The following CDH4 variants were observed in gnomAD, a reference collection of about 807,000 sequenced individuals.
CDH4 encodes the protein cadherin-4.
In CDH4, 33 loss-of-function variants were observed where a neutral mutation model predicts 86.0. That is an observed-to-expected ratio of 0.38 (90% CI 0.29 to 0.51). CDH4 has a LOEUF of 0.51. Ranked by LOEUF, CDH4 falls within the 20% of genes least tolerant of loss-of-function variation. The pLI is 0.86. For missense variants in CDH4, 1,114 were observed against 1,307.4 expected (o/e 0.85, Z 2.28); for synonymous variants, 555 against 549.4 (o/e 1.01, Z -0.14).
chr20:61,936,940 T>G lies in CDH4; in HGVS notation c.2748T>G (p.Asp916Glu). 6.4e-7 allele frequency: 1 copy of G among 1,565,468 alleles called. No homozygotes were observed. The highest frequency in any genetic ancestry group is 8.7e-7 in the Non-Finnish European group (1 of 1,153,830). The change falls in exon 16 of 16, where the codon GAT becomes GAG. Residue 916 changes from aspartate to glutamate, a missense_variant. By Grantham distance (45) the Asp-to-Glu change is conservative. This residue lies in a region of CDH4 where 188 missense variants were observed against 183.8 expected (regional missense o/e 1.02). Coordinates refer to ENST00000614565, the MANE Select transcript of CDH4 (RefSeq NM_001794.5). The part of the protein sequence containing the change: ...LADMYGGGEE[D>E] ...ACATGTATGGAGGTGGTGAAGAGGA[T>G]TGACTGACCTCGCATCTTCGGACCG...
At chr20:61,452,189 C>T (rs1040957776) in intron 2 of CDH4, among the ~76,000 whole-genome samples, 1 of 152,170 alleles carries the variant, frequency 6.6e-6, no homozygotes, top group African/African-American at 2.4e-5. Context: ...CCTTCCCAGG[C>T]CGGGCCCACA....
chr20:61,502,515 A>G (rs1434781206), intron 2 of CDH4, among the ~76,000 whole-genome samples: 1 of 152,198 alleles, frequency 6.6e-6, no homozygotes, highest in South Asian at 2.1e-4. Context: ...CAGCTCATTG[A>G]AAGAGGAGTT....
chr20:61,880,278 G>A (rs1178067434), intron 7 of CDH4, among the ~76,000 whole-genome samples: 1 of 152,226 alleles, frequency 6.6e-6, no homozygotes, highest in Non-Finnish European at 1.5e-5. Flanking sequence ...GGGGAGGGCA[G>A]TAGCCTGGGG....
chr20:61,701,548 C>T (rs1181056279), intron 2 of CDH4, among the ~76,000 whole-genome samples: 1 of 152,218 alleles, frequency 6.6e-6, no homozygotes, highest in African/African-American at 2.4e-5. Flanking sequence ...TGGGGACCAG[C>T]CCTGTGGGCT....
chr20:61,790,746 A>T (rs1213238550), intron 4 of CDH4, among the ~76,000 whole-genome samples: 1 of 140,646 alleles, frequency 7.1e-6, no homozygotes, highest in Non-Finnish European at 1.5e-5. Flanking sequence ...TCATCTCTCC[A>T]TCCATTTATC....
intron 1 of CDH4, among the ~76,000 whole-genome samples, chr20:61,254,048 C>T (rs1372790875): frequency 1.3e-5 from 2 of 152,232 alleles, no homozygotes; most frequent in East Asian, 1.9e-4. Flanking sequence ...TCGTCCACCC[C>T]ATCCTTCCCT....
rs1055147517 is a variant in CDH4, at chr20:61,754,294, A to AC, written c.396+10509dup. ...GACTCAGATGGCAGAGTGCAGACAGACCCCAAGGCATCCCCGAAGGCAGGG... is the reference window on the plus strand; with the variant it reads ...GACTCAGATGGCAGAGTGCAGACAGACCCCCAAGGCATCCCCGAAGGCAGGG... On this transcript the variant is annotated intron_variant, in intron 3 of 15. Coordinates refer to ENST00000614565, the MANE Select transcript of CDH4 (RefSeq NM_001794.5). The surrounding 1 kb of genome is among the most constrained non-coding windows in gnomAD (Gnocchi z 4.7). Among the ~76,000 whole-genome samples the AC allele has an allele frequency of 2.6e-5, 4 of 152,008 alleles. No individual in the cohort carries two copies. The highest frequency in any genetic ancestry group is 4.1e-4 in the South Asian group (2 of 4,822).
intron 2 of CDH4, among the ~76,000 whole-genome samples, chr20:61,287,275 T>C (rs1435743628): frequency 1.3e-5 from 2 of 152,160 alleles, no homozygotes; most frequent in African/African-American, 4.8e-5. Context: ...GGGGCACTCA[T>C]GGCCAGCTTG....
intron 2 of CDH4, among the ~76,000 whole-genome samples, chr20:61,506,930 A>C (rs1015746044): frequency 1.3e-5 from 2 of 152,218 alleles, no homozygotes; most frequent in East Asian, 1.9e-4. Flanking sequence ...AGCAAGGTCC[A>C]CCTATTCAGA....
intron 2 of CDH4, among the ~76,000 whole-genome samples, chr20:61,256,047 A>G (rs528732665): frequency 6.6e-6 from 1 of 152,332 alleles, no homozygotes; most frequent in African/African-American, 2.4e-5. Flanking sequence ...TAGATGTGCA[A>G]TCTAACAGGG....
intron 2 of CDH4, among the ~76,000 whole-genome samples, chr20:61,391,527 C>T (rs1180133188): frequency 1.4e-5 from 2 of 141,382 alleles, no homozygotes; most frequent in Non-Finnish European, 3.0e-5. Context: ...GTAAGGGGCT[C>T]AGCAATTGTC....
intron 15 of CDH4, among the ~76,000 whole-genome samples, chr20:61,936,317 CCCA>C (rs1319817324): frequency 1.2e-5 from 1 of 81,044 alleles, no homozygotes; most frequent in Non-Finnish European, 2.4e-5. Flanking sequence ...CTCACAGCCC[CCCA>C]CCCTCTCCCA....
At chr20:61,814,801 G>A (rs543849275) in intron 4 of CDH4, among the ~76,000 whole-genome samples, 91 of 152,314 alleles carry the variant, frequency 6.0e-4, no homozygotes, top group African/African-American at 2.1e-3. Context: ...GGTATTCGTG[G>A]TACCATGTTG....
rs141706981 is a variant in CDH4, at chr20:61,679,636, G to A, written c.170-63927G>A. On this transcript the variant is annotated intron_variant, in intron 2 of 15. Coordinates refer to ENST00000614565, the MANE Select transcript of CDH4 (RefSeq NM_001794.5). Reference sequence around the variant, plus strand: ...AGCACCCATCAAGATCTGCGGGGCAGGTGAGCAGCTGCGTGGGGAGCAGGG... The same window carrying A: ...AGCACCCATCAAGATCTGCGGGGCAAGTGAGCAGCTGCGTGGGGAGCAGGG... Among the ~76,000 whole-genome samples the A allele has an allele frequency of 6.5e-3, 986 of 152,348 alleles. 8 individuals carry two copies. Among genetic ancestry groups the A allele is most frequent in the African/African-American group, 0.022 (921 of 41,588 alleles).
chr20:61,555,300 G>A (rs568328139), intron 2 of CDH4, among the ~76,000 whole-genome samples: 1 of 152,336 alleles, frequency 6.6e-6, no homozygotes, highest in East Asian at 1.9e-4. Flanking sequence ...TAATTTTGGC[G>A]AGGATGCGGA....
chr20:61,354,473 A>T (rs2084734714), intron 2 of CDH4, among the ~76,000 whole-genome samples: 1 of 152,244 alleles, frequency 6.6e-6, no homozygotes, highest in Non-Finnish European at 1.5e-5. Context: ...AGCTTAGCAC[A>T]ATCCAGGTGG....
At chr20:61,409,903 A>G (rs2085107262) in intron 2 of CDH4, among the ~76,000 whole-genome samples, 1 of 152,234 alleles carries the variant, frequency 6.6e-6, no homozygotes, top group Non-Finnish European at 1.5e-5. Context: ...TAAGAGATTG[A>G]TCACCATCTT....
chr20:61,863,965 T>C (rs1024768346), intron 6 of CDH4, among the ~76,000 whole-genome samples: 19 of 150,796 alleles, frequency 1.3e-4, no homozygotes, highest in African/African-American at 4.4e-4. Flanking sequence ...ACTGGAGCCC[T>C]GCCCCACAAT....
intron 2 of CDH4, among the ~76,000 whole-genome samples, chr20:61,715,073 T>C (rs2087938831): frequency 1.3e-5 from 2 of 152,222 alleles, no homozygotes; most frequent in South Asian, 4.1e-4. Flanking sequence ...CCAACATCTA[T>C]TGTTTTTTGA....
Sources: allele counts gnomAD v4.1 joint callset (sites outside exome capture counted in the v4.1 genomes callset), GRCh38; gene constraint gnomAD v4.1.1; regional missense constraint gnomAD v4.1.1; non-coding constraint Gnocchi (gnomAD v3.1); transcripts MANE v1.5; gene names NCBI Gene and HGNC (gene_info 2026-07-23, HGNC 2026-07-21).